The following OPRM1 variants were observed in gnomAD, a reference collection of about 807,000 sequenced individuals.
The protein encoded by OPRM1 is opioid receptor mu 1.
A neutral mutation model predicts 31.8 loss-of-function variants in OPRM1; 27 were observed. The observed-to-expected ratio is 0.85, with a 90% confidence interval of 0.63 to 1.17. The LOEUF is 1.17. Ranked by LOEUF, OPRM1 falls within the 50% of genes most tolerant of loss-of-function variation. The probability of loss-of-function intolerance (pLI) is 0.00; values close to 1 mark genes in which losing one functional copy is unlikely to be tolerated. For missense variants in OPRM1, 536 were observed against 511.1 expected, an observed-to-expected ratio of 1.05 and a Z score of -0.47; for synonymous variants, 196 against 189.9, an observed-to-expected ratio of 1.03 and a Z score of -0.26.
At chr6:154,078,004 G>A (rs749823607) in intron 1 of OPRM1, among the ~76,000 whole-genome samples, 8 of 151,948 alleles carry the variant, frequency 5.3e-5, no homozygotes, top group Non-Finnish European at 7.4e-5. Context: ...TCTGCATTCC[G>A]CAAATTTGAC....
intron 3 of OPRM1, among the ~76,000 whole-genome samples, chr6:154,224,702 C>T (rs1779119107): frequency 1.3e-5 from 2 of 151,900 alleles, no homozygotes; most frequent in African/African-American, 4.8e-5. Context: ...CAGAGTGGGA[C>T]TCTGTCTTAA....
chr6:154,168,155 T>C lies in OPRM1; in HGVS notation c.1164+76683T>C. The C allele has an allele frequency of 1.4e-6, 2 of 1,451,390 alleles. No individual in the cohort carries two copies. The highest frequency in any genetic ancestry group is 1.9e-6 in the Non-Finnish European group (2 of 1,075,126). 89.9% of individuals were successfully genotyped at this position (1,451,390 alleles called of 1,614,324 possible). ...AAGAAAGCAGTAACAATAAACCCAG[T>C]GAAAAATCAAGGAGAGAACATTCAA... On this transcript the variant is annotated intron_variant, in intron 3 of 3. Transcript: ENST00000337049. This position sits in a 1 kb window ranked among gnomAD's most constrained non-coding sequence, Gnocchi z 4.1.
chr6:154,239,612 T>C (rs1045717522), intron 3 of OPRM1, among the ~76,000 whole-genome samples: 1 of 152,220 alleles, frequency 6.6e-6, no homozygotes, highest in Non-Finnish European at 1.5e-5. Flanking sequence ...ACATTCCACC[T>C]TCTCATTCTC....
At chr6:154,210,896 G>A (rs936754454) in intron 3 of OPRM1, among the ~76,000 whole-genome samples, 3 of 152,192 alleles carry the variant, frequency 2.0e-5, no homozygotes, top group East Asian at 1.9e-4. Flanking sequence ...ATTAGAAAAT[G>A]ACCACAATTC....
chr6:154,016,073 G>A (rs934149332), intron 1 of OPRM1, among the ~76,000 whole-genome samples: 11 of 152,064 alleles, frequency 7.2e-5, no homozygotes, highest in South Asian at 2.1e-4. Context: ...TTACATATGC[G>A]TGTATCCTTT....
rs906446076 is a variant in OPRM1 at position 154,221,277 on chromosome 6, C to G, written c.1165-25416C>G. ...CTTACACGTTCATTTCCTGCACATT[C>G]TCAGCTGCAAAATAAAAGGTCTTGA... On this transcript the variant is annotated intron_variant, in intron 3 of 3. Transcript: ENST00000337049. The G allele has an allele frequency of 2.5e-6, 4 of 1,613,806 alleles. No individual in the cohort carries two copies. The African/African-American group carries it at 4.0e-5, about 16-fold the overall frequency.
At chr6:154,230,513 A>G (rs1779635526) in intron 3 of OPRM1, among the ~76,000 whole-genome samples, 1 of 152,222 alleles carries the variant, frequency 6.6e-6, no homozygotes, top group African/African-American at 2.4e-5. Flanking sequence ...TGGAAAATAT[A>G]CAAAATTACT....
At chr6:154,109,600 T>C (rs1404999123) in intron 3 of OPRM1, among the ~76,000 whole-genome samples, 1 of 152,202 alleles carries the variant, frequency 6.6e-6, no homozygotes, top group East Asian at 1.9e-4. Flanking sequence ...TTTCACACGC[T>C]CTACCAGCTT....
intron 3 of OPRM1, among the ~76,000 whole-genome samples, chr6:154,143,315 T>G (rs952335255): frequency 1.3e-5 from 2 of 152,212 alleles, no homozygotes; most frequent in Non-Finnish European, 2.9e-5. Context: ...TTGCTCCATC[T>G]ATACCGATAC....
At chr6:154,171,089 T>A (rs993264063) in intron 3 of OPRM1, among the ~76,000 whole-genome samples, 11 of 152,160 alleles carry the variant, frequency 7.2e-5, no homozygotes, top group African/African-American at 2.7e-4. Flanking sequence ...GAGTTTAGCA[T>A]GTGCCCCAGC....
At chr6:154,136,585 C>G (rs973556022), downstream of OPRM1, among the ~76,000 whole-genome samples, 1 of 152,172 alleles carries the variant, frequency 6.6e-6, no homozygotes, top group African/African-American at 2.4e-5. Context: ...TCCACCTAAT[C>G]CCTCAGCCCC....
At chr6:154,081,523 G>A (rs950463403) in intron 1 of OPRM1, among the ~76,000 whole-genome samples, 2 of 151,632 alleles carry the variant, frequency 1.3e-5, no homozygotes, top group Non-Finnish European at 2.9e-5. Flanking sequence ...ATAAATAAAT[G>A]AAAGAAAAGA....
At chr6:154,147,392 T>C (rs1443232638) in intron 3 of OPRM1, among the ~76,000 whole-genome samples, 1 of 152,204 alleles carries the variant, frequency 6.6e-6, no homozygotes, top group East Asian at 1.9e-4. Context: ...TCCTAAAGCC[T>C]TCGGTGATAC....
chr6:154,074,419 G>C (rs967483244), intron 1 of OPRM1: 1 of 152,150 alleles, frequency 6.6e-6, no homozygotes, highest in Non-Finnish European at 1.5e-5. Flanking sequence ...CCGAAAAGCA[G>C]AAAGAGAGAA....
chr6:154,207,555 TGG>T (rs200081528), intron 3 of OPRM1, among the ~76,000 whole-genome samples: 2 of 102,718 alleles, frequency 1.9e-5, no homozygotes, highest in Non-Finnish European at 2.3e-5. Context: ...TTAAACTTTT[TGG>T]GGTTTTTTTT....
chr6:154,060,322 G>A (rs1784139013), intron 1 of OPRM1, among the ~76,000 whole-genome samples: 1 of 152,176 alleles, frequency 6.6e-6, no homozygotes, highest in Non-Finnish European at 1.5e-5. Context: ...TGGTACTCCA[G>A]CGAGCCTAAA....
intron 3 of OPRM1, among the ~76,000 whole-genome samples, chr6:154,100,132 ATATAATATATATTATCATATTATGACG>A (rs1794502491): frequency 3.3e-5 from 1 of 30,254 alleles, no homozygotes; most frequent in Non-Finnish European, 6.1e-5. Flanking sequence ...ATATTATGAC[ATATAATATATATTATCATATTATGACG>A]TATCATAATA....
intron 3 of OPRM1, chr6:154,159,805 G>A (rs1798861319): frequency 1.3e-6 from 2 of 1,559,162 alleles, no homozygotes; most frequent in African/African-American, 1.4e-5. Flanking sequence ...TAAAATATAA[G>A]AGGAGAAAAC....
intron 3 of OPRM1, among the ~76,000 whole-genome samples, chr6:154,191,672 TCAA>T (rs140096033): frequency 0.39 from 58,003 of 149,434 alleles, 11,621 homozygotes; most frequent in Middle Eastern, 0.48. Flanking sequence ...AGACTTTGCC[TCAA>T]CAACAACAAC....
Sources: gnomAD v4.1 joint callset for allele counts (sites outside exome capture counted in the v4.1 genomes callset) on GRCh38, gnomAD v4.1.1 for gene constraint, Gnocchi (gnomAD v3.1) non-coding constraint, MANE v1.5 for transcripts, NCBI Gene and HGNC (gene_info 2026-07-23, HGNC 2026-07-21) for gene names.